The following SRPRA variants were observed in gnomAD, a reference collection of about 807,000 sequenced individuals.
SRPRA encodes the protein SRP receptor subunit alpha, also known as signal recognition particle receptor subunit alpha.
In SRPRA, 30 loss-of-function variants were observed where a neutral mutation model predicts 61.1. The ratio of observed to expected loss-of-function variants is 0.49; its 90% CI spans 0.37 to 0.67. The LOEUF is 0.67. Among genes scored for constraint, SRPRA ranks in the 30% least tolerant of loss-of-function variants. SRPRA has a pLI of 0.00. For missense variants in SRPRA, 759 were observed against 828.4 expected, an observed-to-expected ratio of 0.92 and a Z score of 1.03; for synonymous variants, 324 against 299.7, an observed-to-expected ratio of 1.08 and a Z score of -0.84.
At chr11:126,258,566 C>G (rs570660036), downstream of SRPRA, among the ~76,000 whole-genome samples, 1 of 152,166 alleles carries the variant, frequency 6.6e-6, no homozygotes, top group East Asian at 1.9e-4. Flanking sequence ...GCCATCACCA[C>G]ATGAACAAGT....
At chr11:126,244,695 T>G in the SRPRA span, among the ~76,000 whole-genome samples, 10 of 151,982 alleles carry the variant, frequency 6.6e-5, no homozygotes, top group African/African-American at 2.4e-4. The surrounding 1 kb of genome is among the most constrained non-coding windows in gnomAD (Gnocchi z 4.5). Context: ...TCCCAGCTAC[T>G]CGGGAGGTGG....
chr11:126,240,275 CTT>C, the SRPRA span, among the ~76,000 whole-genome samples: 17 of 136,374 alleles, frequency 1.2e-4, no homozygotes, highest in Admixed American at 2.9e-4. Flanking sequence ...CTTTTTTTTT[CTT>C]TTTTTTTTTT....
the SRPRA span, among the ~76,000 whole-genome samples, chr11:126,239,680 A>G: frequency 6.6e-6 from 1 of 151,982 alleles, no homozygotes; most frequent in Non-Finnish European, 1.5e-5. Context: ...GACCCAGCTA[A>G]TTTTTGTATT....
the SRPRA span, among the ~76,000 whole-genome samples, chr11:126,237,740 C>T: frequency 8.9e-5 from 13 of 146,298 alleles, no homozygotes; most frequent in African/African-American, 3.0e-4. Context: ...GCCTGTAATC[C>T]CAGCTACTCG....
At chr11:126,241,331 A>T in the SRPRA span, 1 of 277,968 alleles carries the variant, frequency 3.6e-6, no homozygotes, top group African/African-American at 2.2e-5. Context: ...TTTTTCCTGC[A>T]TCACTACTAT....
the SRPRA span, among the ~76,000 whole-genome samples, chr11:126,251,357 C>A: frequency 6.6e-6 from 1 of 152,170 alleles, no homozygotes; most frequent in African/African-American, 2.4e-5. Flanking sequence ...GCCTTTATGT[C>A]CAATTTAGAG....
At chr11:126,236,312 A>T in the SRPRA span, among the ~76,000 whole-genome samples, 3 of 152,236 alleles carry the variant, frequency 2.0e-5, no homozygotes, top group African/African-American at 7.2e-5. Context: ...GGTCTTTATC[A>T]TACACTTACA....
the SRPRA span, chr11:126,250,462 CA>C: frequency 7.2e-7 from 1 of 1,396,838 alleles, no homozygotes. This position sits in a 1 kb window ranked among gnomAD's most constrained non-coding sequence, Gnocchi z 5.1. Flanking sequence ...ACTGACCTAC[CA>C]AAGCACTTTG....
Position 126,265,031 on chromosome 11 carries a change from T to C in SRPRA, c.1453A>G (p.Thr485Ala). 1 of 1,614,178 alleles carries C rather than the reference T, an allele frequency of 6.2e-7. No individual in the cohort carries two copies. Among genetic ancestry groups the C allele is most frequent in the Non-Finnish European group, 8.5e-7 (1 of 1,180,046 alleles). ...CCCTTTTCAAACAACTGCACCATGGTGCGGCCACCATGCTTCTCTGGAGGG... is the reference window on the plus strand; with the variant it reads ...CCCTTTTCAAACAACTGCACCATGGCGCGGCCACCATGCTTCTCTGGAGGG... ...LHPPEKHGGR[T>A]MVQLFEKGYG... is the part of the protein sequence containing the mutation. Residue 485 changes from threonine to alanine, a missense_variant, in exon 11 of 14, where the codon ACC becomes GCC. Transcript: ENST00000332118. This position sits in a 1 kb window ranked among gnomAD's most constrained non-coding sequence, Gnocchi z 6.3.
chr11:126,247,018 T>G, the SRPRA span, among the ~76,000 whole-genome samples: 1 of 152,196 alleles, frequency 6.6e-6, no homozygotes, highest in Non-Finnish European at 1.5e-5. Context: ...ATTAGCCTAG[T>G]GTGGTGGTAC....
chr11:126,249,326 G>A, the SRPRA span, among the ~76,000 whole-genome samples: 1 of 152,190 alleles, frequency 6.6e-6, no homozygotes, highest in East Asian at 1.9e-4. Context: ...TTAACCTTTT[G>A]TATACTGGAT....
chr11:126,259,863 G>A (rs1044526781), downstream of SRPRA, among the ~76,000 whole-genome samples: 13 of 151,930 alleles, frequency 8.6e-5, no homozygotes, highest in African/African-American at 2.9e-4. Context: ...TGGGACTAAA[G>A]GCGCCCGCCA....
At chr11:126,259,969 C>T (rs1950654488), downstream of SRPRA, among the ~76,000 whole-genome samples, 1 of 152,068 alleles carries the variant, frequency 6.6e-6, no homozygotes, top group Non-Finnish European at 1.5e-5. Context: ...ATCCACCCAC[C>T]TCAGCCTCCC....
At chr11:126,250,128 G>A in the SRPRA span, among the ~76,000 whole-genome samples, 53 of 143,988 alleles carry the variant, frequency 3.7e-4, 1 homozygote, top group East Asian at 5.9e-3. This position sits in a 1 kb window ranked among gnomAD's most constrained non-coding sequence, Gnocchi z 5.1. Context: ...GTCTCGCTCC[G>A]TCGCCCAGGC....
At position 126,264,638 on chromosome 11, in the gene SRPRA, G is replaced by A; in HGVS notation, c.1526-99C>T. The A allele has an allele frequency of 7.2e-7, 1 of 1,394,862 alleles. No homozygotes were observed. Among genetic ancestry groups the A allele is most frequent in the Non-Finnish European group, 9.7e-7 (1 of 1,031,096 alleles). The allele number at this position is 1,394,862 out of a possible 1,614,324, so 86.4% of individuals were successfully genotyped here. ...GTCCTAGTTTGACTACCTGTTCACT[G>A]TCTTGGGCTCTGGATTTGGTTCCAA... On this transcript the variant is annotated intron_variant, in intron 11 of 13. Coordinates refer to ENST00000332118, the MANE Select transcript of SRPRA (RefSeq NM_003139.4). This position sits in a 1 kb window ranked among gnomAD's most constrained non-coding sequence, Gnocchi z 5.0.
the SRPRA span, among the ~76,000 whole-genome samples, chr11:126,238,342 G>A: frequency 2.0e-5 from 3 of 151,940 alleles, no homozygotes; most frequent in Non-Finnish European, 4.4e-5. Flanking sequence ...AAAAAAAAAA[G>A]CCAGTTGGAG....
At chr11:126,250,842 A>C in the SRPRA span, 30 of 813,928 alleles carry the variant, frequency 3.7e-5, 1 homozygote, top group African/African-American at 7.0e-5. The surrounding 1 kb of genome is among the most constrained non-coding windows in gnomAD (Gnocchi z 5.1). Flanking sequence ...AGAAAGGAAA[A>C]ATTTTTTCCC....
rs1950772675 is a variant in SRPRA, at chr11:126,264,741, G to A, written c.1526-202C>T. 6 of 765,126 alleles carry A rather than the reference G, an allele frequency of 7.8e-6. No homozygotes were observed. Among genetic ancestry groups the A allele is most frequent in the African/African-American group, 3.5e-5 (2 of 56,912 alleles). The allele number at this position is 765,126 out of a possible 1,614,324, so 47.4% of individuals were successfully genotyped here. On this transcript the variant is annotated intron_variant, in intron 11 of 13. Transcript: ENST00000332118. The surrounding 1 kb of genome is among the most constrained non-coding windows in gnomAD (Gnocchi z 5.0). ...GGAAAAGGAGGACAACAGGATGAAG[G>A]TGACCAAATTCAGGTTTCTCTGGTT... is the stretch of plus-strand genomic sequence containing the variant.
chr11:126,245,087 A>C, the SRPRA span: 2 of 152,206 alleles, frequency 1.3e-5, no homozygotes, highest in African/African-American at 2.4e-5. Flanking sequence ...AGGCTGAGGC[A>C]GGAGGATTGC....
Sources: gnomAD v4.1 joint callset for allele counts (sites outside exome capture counted in the v4.1 genomes callset) on GRCh38, gnomAD v4.1.1 for gene constraint, Gnocchi (gnomAD v3.1) non-coding constraint, MANE v1.5 for transcripts, NCBI Gene and HGNC (gene_info 2026-07-23, HGNC 2026-07-21) for gene names.